KCMF1: variants seen among roughly 807,000 people sequenced by gnomAD.
The protein encoded by KCMF1 is E3 ubiquitin-protein ligase KCMF1.
KCMF1 carries 3 observed loss-of-function variants against 41.1 expected under a neutral mutation model. The observed-to-expected ratio is 0.07, with a 90% confidence interval of 0.03 to 0.19. The LOEUF is 0.19. KCMF1 is among the 10% of genes least tolerant of loss of function. The probability of loss-of-function intolerance (pLI) is 1.00; values close to 1 mark genes in which losing one functional copy is unlikely to be tolerated. For missense variants in KCMF1, 286 were observed against 488.9 expected, an observed-to-expected ratio of 0.58 and a Z score of 3.91; for synonymous variants, 142 against 164.5, an observed-to-expected ratio of 0.86 and a Z score of 1.04.
chr2:85,042,026 CAG>C (rs1266334381), intron 3 of KCMF1, among the ~76,000 whole-genome samples: 3 of 152,158 alleles, frequency 2.0e-5, no homozygotes. Flanking sequence ...ACTTTTCTGA[CAG>C]AGGAAAGAAT....
intron 1 of KCMF1, among the ~76,000 whole-genome samples, chr2:85,018,391 T>C (rs1043392067): frequency 1.3e-5 from 2 of 150,106 alleles, no homozygotes; most frequent in African/African-American, 2.4e-5. Flanking sequence ...TTCCTCAGCC[T>C]CCCGAGTACA....
intron 1 of KCMF1, among the ~76,000 whole-genome samples, chr2:85,015,466 T>C (rs1674747759): frequency 6.6e-6 from 1 of 152,208 alleles, no homozygotes; most frequent in Non-Finnish European, 1.5e-5. Context: ...AGCTCACTCA[T>C]GAGCAAGTCC....
intron 5 of KCMF1, among the ~76,000 whole-genome samples, chr2:85,049,162 T>C (rs996729650): frequency 7.2e-5 from 11 of 152,246 alleles, no homozygotes; most frequent in African/African-American, 2.7e-4. Flanking sequence ...TGGGTTAATA[T>C]TCGTATGCAT....
At chr2:85,015,557 A>G (rs1026120197) in intron 1 of KCMF1, among the ~76,000 whole-genome samples, 3 of 142,918 alleles carry the variant, frequency 2.1e-5, no homozygotes, top group Non-Finnish European at 4.7e-5. Flanking sequence ...TCAGTTCTTT[A>G]AAATGAGGCA....
At chr2:84,991,726 T>G (rs1344761542) in intron 1 of KCMF1, among the ~76,000 whole-genome samples, 1 of 152,132 alleles carries the variant, frequency 6.6e-6, no homozygotes, top group Non-Finnish European at 1.5e-5. Context: ...TAATAGACCT[T>G]TTGGTCCAGA....
intron 1 of KCMF1, among the ~76,000 whole-genome samples, chr2:84,976,628 TAAAAAAAAAA>T (rs546103210): frequency 1.5e-5 from 2 of 136,470 alleles, no homozygotes; most frequent in African/African-American, 5.4e-5. Context: ...CCTATTTCTT[TAAAAAAAAAA>T]AAACAAAAAA....
chr2:85,040,343 G>A (rs918479502), intron 3 of KCMF1, among the ~76,000 whole-genome samples: 2 of 152,108 alleles, frequency 1.3e-5, no homozygotes, highest in Admixed American at 6.5e-5. Context: ...TTTGTGTCGA[G>A]TTTTCCTGTC....
intron 1 of KCMF1, among the ~76,000 whole-genome samples, chr2:85,017,012 C>CTTTTTTT (rs768880385): frequency 1.4e-4 from 14 of 99,530 alleles, no homozygotes; most frequent in Admixed American, 3.6e-4. Flanking sequence ...AGATCCTCTT[C>CTTTTTTT]TTTTTTTTTT....
intron 1 of KCMF1, among the ~76,000 whole-genome samples, chr2:85,021,788 G>A (rs923947682): frequency 3.3e-5 from 5 of 152,050 alleles, no homozygotes; most frequent in African/African-American, 7.2e-5. Flanking sequence ...TAATGGCTAA[G>A]TAATAACAGG....
At chr2:84,993,867 C>T (rs768055063) in intron 1 of KCMF1, among the ~76,000 whole-genome samples, 15 of 151,346 alleles carry the variant, frequency 9.9e-5, no homozygotes, top group Non-Finnish European at 2.2e-4. Context: ...TGAGCTACTG[C>T]GCTTGACCTA....
intron 1 of KCMF1, among the ~76,000 whole-genome samples, chr2:85,021,406 G>A (rs990590224): frequency 6.6e-6 from 1 of 152,172 alleles, no homozygotes; most frequent in African/African-American, 2.4e-5. Flanking sequence ...GGCGGATCAC[G>A]AGGTCAGGAG....
At chr2:85,019,350 T>TGA (rs1020428470) in intron 1 of KCMF1, among the ~76,000 whole-genome samples, 1 of 152,128 alleles carries the variant, frequency 6.6e-6, no homozygotes, top group African/African-American at 2.4e-5. Flanking sequence ...CTGTATTGAG[T>TGA]GAGAGTCATT....
At chr2:85,029,684 T>C (rs2104031635) in intron 2 of KCMF1, among the ~76,000 whole-genome samples, 1 of 148,810 alleles carries the variant, frequency 6.7e-6, no homozygotes, top group East Asian at 2.0e-4. Context: ...ATAATTTTTT[T>C]TTTTTTTTTT....
chr2:85,011,888 C>A (rs1674660902), intron 1 of KCMF1, among the ~76,000 whole-genome samples: 1 of 152,140 alleles, frequency 6.6e-6, no homozygotes, highest in Non-Finnish European at 1.5e-5. Context: ...AAATTGATGC[C>A]ATTAGCCCTC....
At chr2:85,011,360 C>G (rs768627619) in intron 1 of KCMF1, among the ~76,000 whole-genome samples, 8 of 152,166 alleles carry the variant, frequency 5.3e-5, no homozygotes, top group Non-Finnish European at 2.9e-5. Flanking sequence ...CCTGGTTCCT[C>G]TTAGTGGAGG....
intron 1 of KCMF1, among the ~76,000 whole-genome samples, chr2:84,975,669 C>A (rs1198028484): frequency 6.6e-6 from 1 of 152,130 alleles, no homozygotes; most frequent in Non-Finnish European, 1.5e-5. Context: ...GTTCACCCTG[C>A]CAACACTGTC....
intron 1 of KCMF1, among the ~76,000 whole-genome samples, chr2:84,998,645 G>A (rs1373574421): frequency 1.3e-5 from 2 of 151,550 alleles, no homozygotes. Flanking sequence ...CTGTCACCCA[G>A]GCTGGAGTGC....
At chr2:85,032,176 G>A (rs1675293060) in intron 2 of KCMF1, among the ~76,000 whole-genome samples, 2 of 151,332 alleles carry the variant, frequency 1.3e-5, no homozygotes, top group African/African-American at 4.9e-5. Context: ...TTTGTTGGTT[G>A]GTTGGTTTTC....
chr2:84,990,390 T>C (rs1444762082), intron 1 of KCMF1, among the ~76,000 whole-genome samples: 2 of 152,172 alleles, frequency 1.3e-5, no homozygotes, highest in Admixed American at 1.3e-4. Flanking sequence ...GATAGAGTAA[T>C]GAAAGATAAG....
Sources: allele counts gnomAD v4.1 joint callset (sites outside exome capture counted in the v4.1 genomes callset), GRCh38; gene constraint gnomAD v4.1.1; transcripts MANE v1.5; gene names NCBI Gene and HGNC (gene_info 2026-07-23, HGNC 2026-07-21).